Variants in DLGAP1 observed in about 807,000 individuals in gnomAD.
DLGAP1 encodes disks large-associated protein 1.
DLGAP1 carries 11 observed loss-of-function variants against 90.8 expected under a neutral mutation model. The ratio of observed to expected loss-of-function variants is 0.12; its 90% CI spans 0.08 to 0.20. The LOEUF (loss-of-function observed/expected upper bound fraction) is 0.20. DLGAP1 is among the 10% of genes least tolerant of loss of function. The pLI, the probability that DLGAP1 is intolerant of heterozygous loss-of-function variation, is 1.00. For synonymous variants in DLGAP1, 558 were observed against 540.7 expected, an observed-to-expected ratio of 1.03 and a Z score of -0.44; for missense variants, 1,050 against 1,333.8, an observed-to-expected ratio of 0.79 and a Z score of 3.31.
At chr18:3,963,765 T>C (rs768636415) in intron 3 of DLGAP1, among the ~76,000 whole-genome samples, 3 of 152,080 alleles carry the variant, frequency 2.0e-5, no homozygotes, top group African/African-American at 7.2e-5. Flanking sequence ...GGATCTCTAG[T>C]GTAAGCCCCT....
intron 1 of DLGAP1, among the ~76,000 whole-genome samples, chr18:4,395,479 C>T (rs2082421487): frequency 6.6e-6 from 1 of 152,086 alleles, no homozygotes; most frequent in South Asian, 2.1e-4. Context: ...TACCTATAGC[C>T]AGAGACTGAT....
At chr18:4,204,513 T>TTTG (rs1555762767) in intron 1 of DLGAP1, among the ~76,000 whole-genome samples, 1 of 151,632 alleles carries the variant, frequency 6.6e-6, no homozygotes, top group African/African-American at 2.4e-5. Context: ...TTGTGGTTTT[T>TTTG]TTTTTGTTTT....
At chr18:4,038,066 T>A (rs2074918061) in intron 2 of DLGAP1, among the ~76,000 whole-genome samples, 1 of 152,234 alleles carries the variant, frequency 6.6e-6, no homozygotes, top group African/African-American at 2.4e-5. Flanking sequence ...TTGCTCACTC[T>A]AATAACTCTA....
chr18:3,870,351 C>T (rs961215654), intron 4 of DLGAP1, among the ~76,000 whole-genome samples: 4 of 152,124 alleles, frequency 2.6e-5, no homozygotes, highest in African/African-American at 9.7e-5. Flanking sequence ...CCATATGTAC[C>T]CGTATTGATT....
At chr18:4,065,770 C>T (rs1211987441) in intron 2 of DLGAP1, among the ~76,000 whole-genome samples, 3 of 152,018 alleles carry the variant, frequency 2.0e-5, no homozygotes, top group South Asian at 2.1e-4. Context: ...AAATTCAATG[C>T]TATCCCCATT....
At chr18:3,975,415 C>A (rs1475426503) in intron 3 of DLGAP1, among the ~76,000 whole-genome samples, 1 of 152,086 alleles carries the variant, frequency 6.6e-6, no homozygotes, top group Non-Finnish European at 1.5e-5. Flanking sequence ...CGCTTCACAC[C>A]TGTTAGGATG....
chr18:3,952,675 A>G (rs577404235), intron 3 of DLGAP1, among the ~76,000 whole-genome samples: 1 of 152,252 alleles, frequency 6.6e-6, no homozygotes, highest in African/African-American at 2.4e-5. Context: ...CTGAACATAT[A>G]CTCATTGGTC....
chr18:3,962,286 G>A (rs183644193), intron 3 of DLGAP1: 2 of 152,036 alleles, frequency 1.3e-5, no homozygotes, highest in African/African-American at 2.4e-5. Context: ...ATCACTCATC[G>A]TTTCTTCACA....
intron 1 of DLGAP1, among the ~76,000 whole-genome samples, chr18:4,231,387 G>GC (rs1169001563): frequency 6.6e-6 from 1 of 152,144 alleles, no homozygotes; most frequent in African/African-American, 2.4e-5. Flanking sequence ...AGCCTGCCAA[G>GC]CTAGCTGGGT....
At chr18:4,115,004 G>T (rs574129706) in intron 2 of DLGAP1, among the ~76,000 whole-genome samples, 9 of 151,990 alleles carry the variant, frequency 5.9e-5, no homozygotes, top group Admixed American at 5.9e-4. Context: ...ATTGTTTTCT[G>T]TATGTCTCAT....
intron 2 of DLGAP1, among the ~76,000 whole-genome samples, chr18:4,138,702 A>G (rs566061342): frequency 6.6e-6 from 1 of 152,146 alleles, no homozygotes; most frequent in East Asian, 1.9e-4. Context: ...GCAGAGTTTC[A>G]GTAAGATTGG....
intron 5 of DLGAP1, among the ~76,000 whole-genome samples, chr18:3,781,040 C>A (rs543005279): frequency 6.6e-6 from 1 of 152,200 alleles, no homozygotes; most frequent in East Asian, 1.9e-4. Context: ...GTTTCCCAGG[C>A]CGGTCTTGAA....
At chr18:3,830,538 C>T (rs577829473) in intron 4 of DLGAP1, among the ~76,000 whole-genome samples, 15 of 152,294 alleles carry the variant, frequency 9.8e-5, no homozygotes, top group African/African-American at 3.6e-4. Context: ...TGCACTCCAG[C>T]CTGGGAACCA....
intron 2 of DLGAP1, among the ~76,000 whole-genome samples, chr18:4,042,514 G>A (rs967853778): frequency 5.9e-5 from 9 of 152,266 alleles, no homozygotes; most frequent in East Asian, 1.9e-4. Context: ...AAGGTCTGCC[G>A]ATCACCTGAT....
chr18:4,003,466 G>C (rs986042544), intron 3 of DLGAP1, among the ~76,000 whole-genome samples: 4 of 118,288 alleles, frequency 3.4e-5, no homozygotes, highest in African/African-American at 1.3e-4. Context: ...GAAGTTAACA[G>C]ATTTATCTTG....
intron 1 of DLGAP1, among the ~76,000 whole-genome samples, chr18:4,209,084 T>G (rs952121936): frequency 2.0e-5 from 3 of 152,066 alleles, no homozygotes; most frequent in African/African-American, 7.2e-5. Flanking sequence ...GGAGGGTGAC[T>G]CCTTAAGAGT....
At chr18:3,725,807 G>A (rs2216356) in intron 7 of DLGAP1, among the ~76,000 whole-genome samples, 34,243 of 151,988 alleles carry the variant, frequency 0.23, 4,807 homozygotes, top group African/African-American at 0.39. Flanking sequence ...ATTTGCTGAG[G>A]TATCTCCATT....
intron 3 of DLGAP1, among the ~76,000 whole-genome samples, chr18:3,987,234 T>A (rs1164475330): frequency 6.6e-6 from 1 of 152,160 alleles, no homozygotes; most frequent in Admixed American, 6.5e-5. Context: ...GGGAGATTGC[T>A]AATAGATAGA....
intron 2 of DLGAP1, among the ~76,000 whole-genome samples, chr18:4,103,581 C>G (rs143414944): frequency 6.6e-6 from 1 of 152,050 alleles, no homozygotes; most frequent in African/African-American, 2.4e-5. Context: ...CTCCTGTCAC[C>G]CCACTACACG....
Sources: gnomAD v4.1 joint callset for allele counts (sites outside exome capture counted in the v4.1 genomes callset) on GRCh38, gnomAD v4.1.1 for gene constraint, MANE v1.5 for transcripts, NCBI Gene and HGNC (gene_info 2026-07-23, HGNC 2026-07-21) for gene names.